Variants in IBTK observed in about 807,000 individuals in gnomAD.
IBTK encodes the protein inhibitor of Bruton tyrosine kinase.
A neutral mutation model predicts 154.9 loss-of-function variants in IBTK; 83 were observed. That is an observed-to-expected ratio of 0.54 (90% CI 0.45 to 0.64). The LOEUF (loss-of-function observed/expected upper bound fraction) is 0.64. IBTK is among the 30% of genes least tolerant of loss of function. IBTK has a pLI of 0.00. For missense variants in IBTK, 1,332 were observed against 1,584.6 expected, an observed-to-expected ratio of 0.84 and a Z score of 2.71; for synonymous variants, 515 against 536.1, an observed-to-expected ratio of 0.96 and a Z score of 0.54.
At chr6:82,227,113 A>G in intron 5 of IBTK, 79 bp downstream of exon 5, 1 of 966,526 alleles carries the variant, frequency 1.0e-6, no homozygotes, top group South Asian at 1.5e-5. Flanking sequence ...AGTTGAAAAA[A>G]AAATTTAGTT....
chr6:82,196,309 C>G lies in IBTK; in HGVS notation c.3163G>C (p.Asp1055His). The change falls in exon 22 of 29, where the codon GAT (aspartate) becomes CAT (histidine). Residue 1055 changes from aspartate to histidine, a missense_variant. Coordinates refer to ENST00000306270, the MANE Select transcript of IBTK (RefSeq NM_015525.4). ...SPDFTTGFHS[D>H]KIEAKVKPYV... ...TTCAAAAAACAAACCTCAATCTTAT[C>G]TGAATGAAATCCTGTTGTGAAATCA... The G allele has an allele frequency of 6.2e-7, 1 of 1,603,458 alleles. No individual in the cohort carries two copies. Among genetic ancestry groups the G allele is most frequent in the South Asian group, 1.1e-5 (1 of 87,862 alleles).
At chr6:82,210,988 G>T in intron 15 of IBTK, 78 bp from the exon 16 acceptor site, 2 of 718,110 alleles carry the variant, frequency 2.8e-6, no homozygotes, top group Non-Finnish European at 4.2e-6. Flanking sequence ...TGGGTTATTG[G>T]TACAAAACAC....
At chr6:82,188,965 G>A (rs1227357812) in intron 25 of IBTK, 2 of 410,052 alleles carry the variant, frequency 4.9e-6, no homozygotes, top group Non-Finnish European at 9.5e-6. Flanking sequence ...AGGAGGCGGA[G>A]GTTGCAGTGA....
At chr6:82,232,120 C>T (rs1770532529) in intron 3 of IBTK, among the ~76,000 whole-genome samples, 1 of 151,418 alleles carries the variant, frequency 6.6e-6, no homozygotes, top group African/African-American at 2.4e-5. Context: ...GTCTTCACCT[C>T]ACGGGCTCAA....
In IBTK at chr6:82,216,075, C is replaced by G. The variant is rs752863754; in HGVS notation, c.1601+1G>C. ...ATGAAATTTAATATATACAAGTATA[C>G]CTTGTTTTAGGATCTGACTGCAGGA... On this transcript the variant is annotated splice_donor_variant, in intron 11 of 28. Coordinates refer to ENST00000306270, the MANE Select transcript of IBTK (RefSeq NM_015525.4). LOFTEE classifies it high-confidence loss of function. 1 of 1,598,086 alleles carries G rather than the reference C, an allele frequency of 6.3e-7. No homozygotes were observed. Among genetic ancestry groups the G allele is most frequent in the Non-Finnish European group, 8.5e-7 (1 of 1,172,004 alleles).
intron 25 of IBTK, among the ~76,000 whole-genome samples, chr6:82,186,219 A>T (rs1467633207): frequency 1.3e-5 from 2 of 152,244 alleles, no homozygotes; most frequent in Admixed American, 6.5e-5. Flanking sequence ...AGAAACAACA[A>T]TATTGAAATT....
In IBTK at chr6:82,240,293, T is replaced by A; in HGVS notation, c.194A>T (p.Lys65Ile). 2 of 1,614,224 alleles carry A rather than the reference T, an allele frequency of 1.2e-6. No homozygotes were observed. Among genetic ancestry groups the A allele is most frequent in the Non-Finnish European group, 8.5e-7 (1 of 1,180,038 alleles). ...ALHLVSSCGKKGVLDWLIQKG... is the reference protein window; with the variant it reads ...ALHLVSSCGKIGVLDWLIQKG... Reference sequence around the variant, plus strand: ...CTGAATAAGCCAATCTAACACTCCTTTCTTTCCACAGGAGGAAACAAGGTG... The same window carrying A: ...CTGAATAAGCCAATCTAACACTCCTATCTTTCCACAGGAGGAAACAAGGTG... The change falls in exon 2 of 29, where the codon AAA becomes ATA. Residue 65 changes from lysine (K) to isoleucine (I), a missense_variant. Physicochemically the swap from Lys to Ile is moderately radical, Grantham distance 102. This residue lies in a region of IBTK where 84 missense variants were observed against 96.2 expected (regional missense o/e 0.87). Transcript: ENST00000306270.
intron 16 of IBTK, 82 bp from the exon 17 acceptor site, chr6:82,205,040 C>A: frequency 1.6e-6 from 1 of 638,412 alleles, no homozygotes. Context: ...AATTAGTACA[C>A]TAGAAAAGAG....
Position 82,173,674 on chromosome 6 carries a change from A to AATATATAT in IBTK, c.3726-244_3726-237dup, listed in dbSNP as rs35757334. On this transcript the variant is annotated intron_variant, in intron 26 of 28. Coordinates refer to ENST00000306270, the MANE Select transcript of IBTK (RefSeq NM_015525.4). ...AAGAAATAGCCTATTTCTAATAATAAATATATATATACACACACCAGATAA... is the reference window on the plus strand; with the variant it reads ...AAGAAATAGCCTATTTCTAATAATAAATATATATATATATATATACACACACCAGATAA... 761 of 197,296 alleles carry AATATATAT rather than the reference A, an allele frequency of 3.9e-3. 50 individuals carry two copies. Among genetic ancestry groups the AATATATAT allele is most frequent in the Non-Finnish European group, 6.3e-3 (643 of 101,750 alleles). 12.2% of individuals were successfully genotyped at this position (197,296 alleles called of 1,614,324 possible). A position where few individuals can be genotyped will look rare whatever the true frequency, so the allele number is the denominator to read the frequency against.
At position 82,240,389 on chromosome 6, in the gene IBTK, A is replaced by G; in HGVS notation, c.98T>C (p.Ile33Thr). Residue 33 changes from isoleucine (I) to threonine (T), a missense_variant, in exon 2 of 29, where the codon ATT becomes ACT. By Grantham distance (89) the Ile-to-Thr change is moderately conservative (BLOSUM62 -1). Transcript: ENST00000306270. The stretch of plus-strand genomic sequence containing the variant: ...ACAATGACTGGAGAGAAAGGCCTTA[A>G]TCTGGTTTTCGCTCCCCTTTGTTAC... ...SVVTKGSENQ[I>T]KAFLSSHCYN... 1.9e-6 allele frequency: 3 copies of G among 1,614,206 alleles called. No individual in the cohort carries two copies. The highest frequency in any genetic ancestry group is 2.5e-6 in the Non-Finnish European group (3 of 1,180,040).
rs1293337948 is a variant in IBTK, at chr6:82,202,603, A to T, written c.2654T>A (p.Met885Lys). 1.2e-6 allele frequency: 2 copies of T among 1,608,550 alleles called. No individual in the cohort carries two copies. The highest frequency in any genetic ancestry group is 1.1e-5 in the South Asian group (1 of 89,918). The stretch of plus-strand genomic sequence containing the variant: ...CAGTTTCAACTGTTTTGCACTATAC[A>T]TTGCTGCAAATTCCAGTAGCATAGC... ...NAAMLLEFAA[M>K]YSAKQLKLSC... The change falls in exon 18 of 29, where the codon ATG (methionine) becomes AAG (lysine). Residue 885 changes from methionine (M) to lysine (K), a missense_variant. Coordinates refer to ENST00000306270, the MANE Select transcript of IBTK (RefSeq NM_015525.4).
chr6:82,238,207 G>A (rs561341227), intron 2 of IBTK, among the ~76,000 whole-genome samples: 48 of 151,766 alleles, frequency 3.2e-4, no homozygotes, highest in Non-Finnish European at 6.5e-4. Flanking sequence ...TCACACCACT[G>A]CACTCCAGCC....
Position 82,194,607 on chromosome 6 carries a change from A to T in IBTK, c.3210T>A (p.Pro1070=), listed in dbSNP as rs1169015052. 3.1e-6 allele frequency: 5 copies of T among 1,606,836 alleles called. No individual in the cohort carries two copies. Among genetic ancestry groups the T allele is most frequent in the Admixed American group, 1.7e-5 (1 of 59,106 alleles). The change falls in exon 23 of 29, where the codon CCT becomes CCA. Residue 1070 remains proline, a synonymous_variant. Coordinates refer to ENST00000306270, the MANE Select transcript of IBTK (RefSeq NM_015525.4). The part of the protein sequence containing the change: ...KVKPYVNGTS[P]VYSREDLKPW... ...GTTTTAAATCTTCCCTAGAATACAC[A>T]GGAGATGTACCATTAACATACGGTT...
intron 5 of IBTK, among the ~76,000 whole-genome samples, chr6:82,226,049 A>G (rs1770286702): frequency 6.6e-6 from 1 of 152,114 alleles, no homozygotes; most frequent in South Asian, 2.1e-4. Flanking sequence ...CTTTGGAGTC[A>G]TTTATCTGTC....
chr6:82,192,604 A>AG (rs1347983463), intron 23 of IBTK, among the ~76,000 whole-genome samples: 1 of 151,824 alleles, frequency 6.6e-6, no homozygotes, highest in Non-Finnish European at 1.5e-5. Flanking sequence ...AACATTAGTC[A>AG]GGGGTGGTGG....
chr6:82,218,900 A>G (rs1300957714), intron 9 of IBTK, among the ~76,000 whole-genome samples: 1 of 152,202 alleles, frequency 6.6e-6, no homozygotes, highest in African/African-American at 2.4e-5. Flanking sequence ...ATTCACACAA[A>G]AAGACTATAC....
chr6:82,214,465 TTTTG>T lies in IBTK; in HGVS notation c.1962_1965del (p.Asn654LysfsTer10), dbSNP rs1292706878. 1.9e-6 allele frequency: 3 copies of T among 1,614,118 alleles called. No homozygotes were observed. Among genetic ancestry groups the T allele is most frequent in the Admixed American group, 1.7e-5 (1 of 60,026 alleles). ...AGAGTTCCCTGATATTCTTCTGGGTTTTTGTTTAAGTGTATTCTTGGTTTGAAGC... is the reference window on the plus strand; with the variant it reads ...AGAGTTCCCTGATATTCTTCTGGGTTTTTAAGTGTATTCTTGGTTTGAAGC... On this transcript the variant is annotated frameshift_variant, in exon 12 of 29. Transcript: ENST00000306270. LOFTEE classifies it high-confidence loss of function.
At chr6:82,171,905 G>C (rs2127794980) in intron 28 of IBTK, among the ~76,000 whole-genome samples, 1 of 152,314 alleles carries the variant, frequency 6.6e-6, no homozygotes, top group East Asian at 1.9e-4. Context: ...TTGCTTCTGA[G>C]CTTTCCAGTG....
chr6:82,198,262 T>C (rs952186373), intron 21 of IBTK, among the ~76,000 whole-genome samples: 12 of 152,268 alleles, frequency 7.9e-5, no homozygotes, highest in Admixed American at 7.8e-4. Context: ...TTCAAGACTG[T>C]CTATCCATTA....
Sources: gnomAD v4.1 joint callset for allele counts (sites outside exome capture counted in the v4.1 genomes callset) on GRCh38, gnomAD v4.1.1 for gene constraint, gnomAD v4.1.1 regional missense constraint, MANE v1.5 for transcripts, NCBI Gene and HGNC (gene_info 2026-07-23, HGNC 2026-07-21) for gene names.